CSPP1: variants seen among roughly 807,000 people sequenced by gnomAD.
CSPP1 encodes centrosome and spindle pole-associated protein 1.
Under a neutral mutation model 164.4 loss-of-function variants are expected in CSPP1, and 126 were observed. The observed-to-expected ratio is 0.77, with a 90% CI of 0.66 to 0.89. The LOEUF (loss-of-function observed/expected upper bound fraction) is 0.89. CSPP1 is among the 40% of genes least tolerant of loss of function. The probability of loss-of-function intolerance (pLI) is 0.00; values close to 1 mark genes in which losing one functional copy is unlikely to be tolerated. For missense variants in CSPP1, 1,395 were observed against 1,449.8 expected (o/e 0.96, Z 0.61); for synonymous variants, 472 against 476.7 (o/e 0.99, Z 0.13).
chr8:67,147,684 A>G (rs988201509), intron 17 of CSPP1, among the ~76,000 whole-genome samples: 1 of 151,788 alleles, frequency 6.6e-6, no homozygotes, highest in East Asian at 1.9e-4. Flanking sequence ...AGTCCTTTGT[A>G]TCCTCCGAGA....
rs578174257 is a variant in CSPP1 at position 67,190,872 on chromosome 8, ATGGGTC to A, written c.3330+116_3330+121del. 77 of 729,134 alleles carry A rather than the reference ATGGGTC, an allele frequency of 1.1e-4. No homozygotes were observed. The African/African-American group carries it at 1.1e-3, about 10-fold the overall frequency. The allele number at this position is 729,134 out of a possible 1,614,324, so 45.2% of individuals were successfully genotyped here. A position where few individuals can be genotyped will look rare whatever the true frequency, so the allele number is the denominator to read the frequency against. On this transcript the variant is annotated intron_variant, in intron 29 of 30. Transcript: ENST00000678616. ...AAGAGCACTTGCTTGAAATTCAGAC[ATGGGTC>A]TGAATCTAGGCTCTGCCTTGACTGG...
At chr8:67,100,829 AT>A (rs562090907) in intron 7 of CSPP1, among the ~76,000 whole-genome samples, 16 of 149,196 alleles carry the variant, frequency 1.1e-4, no homozygotes, top group Non-Finnish European at 1.6e-4. Flanking sequence ...TTTATATGTA[AT>A]TTTTTTTTGG....
intron 13 of CSPP1, among the ~76,000 whole-genome samples, chr8:67,117,191 AATG>A (rs1818110134): frequency 1.3e-5 from 2 of 152,216 alleles, no homozygotes; most frequent in African/African-American, 4.8e-5. Flanking sequence ...AATTCGATTT[AATG>A]ATGACAGCTC....
At chr8:67,117,021 A>T (rs943495649) in intron 13 of CSPP1, among the ~76,000 whole-genome samples, 1 of 152,144 alleles carries the variant, frequency 6.6e-6, no homozygotes, top group African/African-American at 2.4e-5. Context: ...CTCAGCATTG[A>T]ATTAGGGATT....
intron 17 of CSPP1, among the ~76,000 whole-genome samples, chr8:67,141,033 G>T (rs1823389281): frequency 6.6e-6 from 1 of 152,120 alleles, no homozygotes; most frequent in South Asian, 2.1e-4. Context: ...CTTTGCTACA[G>T]TAAATTTAAA....
chr8:67,162,537 A>G (rs1828566295), intron 22 of CSPP1, among the ~76,000 whole-genome samples: 1 of 152,176 alleles, frequency 6.6e-6, no homozygotes, highest in African/African-American at 2.4e-5. Flanking sequence ...CCACCCTTTG[A>G]GATTCTGATT....
At chr8:67,078,046 C>G (rs1014748698) in intron 3 of CSPP1, among the ~76,000 whole-genome samples, 20 of 152,076 alleles carry the variant, frequency 1.3e-4, no homozygotes, top group African/African-American at 4.8e-4. Context: ...ATCTTCCAGC[C>G]CTACGTTTTT....
intron 29 of CSPP1, 150 bp from the exon 30 acceptor site, chr8:67,193,314 C>G (rs547579948): frequency 3.4e-5 from 18 of 533,980 alleles, no homozygotes; most frequent in South Asian, 2.8e-4. Flanking sequence ...CCAGGCTGGT[C>G]TTGAACTCCT....
chr8:67,160,162 G>A (rs1269577233), intron 21 of CSPP1, among the ~76,000 whole-genome samples: 1 of 149,598 alleles, frequency 6.7e-6, no homozygotes, highest in African/African-American at 2.5e-5. Context: ...GATTGCAGGT[G>A]TGAGCCACCA....
rs1171601097 is a variant in CSPP1 at position 67,119,199 on chromosome 8, T to C, written c.1697+378T>C. 4.6e-5 allele frequency among the ~76,000 whole-genome samples: 7 copies of C among 152,194 alleles called. 1 individual carries two copies. The highest frequency in any genetic ancestry group is 1.0e-4 in the Non-Finnish European group (7 of 68,004). On this transcript the variant is annotated intron_variant, in intron 15 of 30. Transcript: ENST00000678616. ...AGGTTCATCCGTCTTTTAGCATATTTCAGAGTTTCTTTCCTTTTTAAGGCT... is the reference window on the plus strand; with the variant it reads ...AGGTTCATCCGTCTTTTAGCATATTCCAGAGTTTCTTTCCTTTTTAAGGCT...
chr8:67,124,192 C>T (rs562075792), intron 15 of CSPP1, among the ~76,000 whole-genome samples: 1 of 152,294 alleles, frequency 6.6e-6, no homozygotes, highest in South Asian at 2.1e-4. Flanking sequence ...AGCCACCGCA[C>T]CCGGCCTATT....
Position 67,086,048 on chromosome 8 carries a change from G to C in CSPP1, c.241G>C (p.Glu81Gln). 1 of 1,526,540 alleles carries C rather than the reference G, an allele frequency of 6.6e-7. No homozygotes were observed. Among genetic ancestry groups the C allele is most frequent in the Non-Finnish European group, 9.1e-7 (1 of 1,100,562 alleles). 94.6% of individuals were successfully genotyped at this position (1,526,540 alleles called of 1,614,324 possible). ...GLSLPLGEDY[E>Q]RKKHKLKEEL... ...AAGTTTACCACTTGGAGAAGACTATGAACGGAAGAAACATAAATTAAAAGA... is the reference window on the plus strand; with the variant it reads ...AAGTTTACCACTTGGAGAAGACTATCAACGGAAGAAACATAAATTAAAAGA... The change falls in exon 4 of 31, where the codon GAA becomes CAA. Residue 81 changes from glutamate to glutamine, a missense_variant. Coordinates refer to ENST00000678616, the MANE Select transcript of CSPP1 (RefSeq NM_001382391.1).
Position 67,131,504 on chromosome 8 carries a change from ACAGT to A in CSPP1, c.1698-443_1698-440del, listed in dbSNP as rs143678331. ...TTCAAAAATATTAATTTTATTTGAGACAGTCAGACTTTTTCCTGTAATTACATTG... is the reference window on the plus strand; with the variant it reads ...TTCAAAAATATTAATTTTATTTGAGACAGACTTTTTCCTGTAATTACATTG... On this transcript the variant is annotated intron_variant, in intron 15 of 30. Transcript: ENST00000678616. Among the ~76,000 whole-genome samples, 78 of 152,334 alleles carry A rather than the reference ACAGT, an allele frequency of 5.1e-4. No homozygotes were observed. The East Asian group carries it at 9.1e-3, about 18-fold the overall frequency.
chr8:67,142,770 A>G lies in CSPP1; in HGVS notation c.1975+5167A>G, dbSNP rs184031564. Among the ~76,000 whole-genome samples, 646 of 152,350 alleles carry G rather than the reference A, an allele frequency of 4.2e-3. 9 individuals carry two copies. Among genetic ancestry groups the G allele is most frequent in the African/African-American group, 0.015 (612 of 41,592 alleles). On this transcript the variant is annotated intron_variant, in intron 17 of 30. Coordinates refer to ENST00000678616, the MANE Select transcript of CSPP1 (RefSeq NM_001382391.1). ...CTCCAATTTTGTTTTGTCATTTTGCATTCCTATCAGAAAAGTATGAGGTTT... is the reference window on the plus strand; with the variant it reads ...CTCCAATTTTGTTTTGTCATTTTGCGTTCCTATCAGAAAAGTATGAGGTTT...
chr8:67,125,582 ATTATGGTGT>A (rs1453437691), intron 15 of CSPP1, among the ~76,000 whole-genome samples: 1 of 152,046 alleles, frequency 6.6e-6, no homozygotes, highest in Non-Finnish European at 1.5e-5. Context: ...ATTGGTACAC[ATTATGGTGT>A]TTCACAGGAT....
At chr8:67,190,884 C>A in intron 29 of CSPP1, 125 bp downstream of exon 29, 1 of 689,190 alleles carries the variant, frequency 1.5e-6, no homozygotes, top group Non-Finnish European at 2.6e-6. Flanking sequence ...GGGTCTGAAT[C>A]TAGGCTCTGC....
At chr8:67,172,339 T>A (rs1830636899) in intron 24 of CSPP1, 77 bp from the exon 25 acceptor site, 1 of 1,205,392 alleles carries the variant, frequency 8.3e-7, no homozygotes, top group Non-Finnish European at 1.2e-6. Context: ...AGACCAAATT[T>A]CTTTTACAGT....
In CSPP1 at chr8:67,103,141, G is replaced by C; in HGVS notation, c.1022+6G>C. The C allele has an allele frequency of 6.6e-7, 1 of 1,516,120 alleles. No individual in the cohort carries two copies. The highest frequency in any genetic ancestry group is 1.1e-5 in the South Asian group (1 of 88,656). 93.9% of individuals were successfully genotyped at this position (1,516,120 alleles called of 1,614,324 possible). A position where few individuals can be genotyped will look rare whatever the true frequency, so the allele number is the denominator to read the frequency against. Reference sequence around the variant, plus strand: ...TCATCTGCTGAAAATAAAAGGTACAGTATGTAATATAAATTCTCTGCTTTA... The same window carrying C: ...TCATCTGCTGAAAATAAAAGGTACACTATGTAATATAAATTCTCTGCTTTA... On this transcript the variant is annotated splice_donor_region_variant and intron_variant, in intron 8 of 30. Transcript: ENST00000678616.
At chr8:67,129,693 A>T (rs1563633437) in intron 15 of CSPP1, among the ~76,000 whole-genome samples, 1 of 152,212 alleles carries the variant, frequency 6.6e-6, no homozygotes, top group Non-Finnish European at 1.5e-5. Flanking sequence ...AAAGTAATGA[A>T]CTACTGATAT....
Sources: gnomAD v4.1 joint callset for allele counts (sites outside exome capture counted in the v4.1 genomes callset) on GRCh38, gnomAD v4.1.1 for gene constraint, MANE v1.5 for transcripts, NCBI Gene and HGNC (gene_info 2026-07-23, HGNC 2026-07-21) for gene names.